Variants in REG4 observed in about 807,000 individuals in gnomAD.
REG4 encodes regenerating family member 4.
REG4 carries 16 observed loss-of-function variants against 22.3 expected under a neutral mutation model. The ratio of observed to expected loss-of-function variants is 0.72; its 90% CI spans 0.49 to 1.09. The LOEUF (loss-of-function observed/expected upper bound fraction) is 1.09. Among genes scored for constraint, REG4 ranks in the 50% least tolerant of loss-of-function variants. The pLI is 0.00. For missense variants in REG4, 214 were observed against 193.9 expected (o/e 1.10, Z -0.61); for synonymous variants, 71 against 69.2 (o/e 1.03, Z -0.13).
At chr1:119,797,147 C>T (rs757165678) in intron 5 of REG4, among the ~76,000 whole-genome samples, 12 of 151,936 alleles carry the variant, frequency 7.9e-5, no homozygotes, top group Non-Finnish European at 1.3e-4. Context: ...TATAAGGTTT[C>T]TCACTACTTC....
At chr1:119,802,755 C>G (rs756837806) in intron 3 of REG4, 11 of 1,447,530 alleles carry the variant, frequency 7.6e-6, no homozygotes, top group Non-Finnish European at 1.0e-5. Flanking sequence ...TCCTCATCTT[C>G]TCTTCCTCCT....
At chr1:119,795,139 A>G (rs1458622914) in intron 5 of REG4, among the ~76,000 whole-genome samples, 1 of 152,190 alleles carries the variant, frequency 6.6e-6, no homozygotes, top group Non-Finnish European at 1.5e-5. Flanking sequence ...CTCTATATAT[A>G]CATCCAACTA....
At chr1:119,811,050 T>TA (rs1342669642) in intron 1 of REG4, among the ~76,000 whole-genome samples, 2 of 151,838 alleles carry the variant, frequency 1.3e-5, no homozygotes, top group East Asian at 1.9e-4. Context: ...CAAGACTCCA[T>TA]AAAAAAACAA....
chr1:119,808,564 TC>T, intron 2 of REG4, 138 bp downstream of exon 2: 1 of 624,662 alleles, frequency 1.6e-6, no homozygotes, highest in Admixed American at 3.0e-5. Flanking sequence ...TTAGTACCTA[TC>T]TTTGTTTTTC....
chr1:119,802,350 G>T, intron 3 of REG4: 3 of 985,978 alleles, frequency 3.0e-6, no homozygotes, highest in Non-Finnish European at 3.6e-6. Context: ...CTGGCATGTG[G>T]TAGGTGCTTC....
rs947412626 is a variant in REG4 at position 119,798,549 on chromosome 1, A to G, written c.357T>C (p.Ser119=). ...DGAMYLYRSW[S]GKSMGGNKHC... ...GCTTGTTCCCACCCATGGACTTGCCAGACCAGGATCTGTACAGATACATGG... is the reference window on the plus strand; with the variant it reads ...GCTTGTTCCCACCCATGGACTTGCCGGACCAGGATCTGTACAGATACATGG... Residue 119 remains serine (S), a synonymous_variant, in exon 5 of 6, where the codon TCT becomes TCC. Coordinates refer to ENST00000256585, the MANE Select transcript of REG4 (RefSeq NM_032044.4). 6.2e-7 allele frequency: 1 copy of G among 1,614,126 alleles called. No individual in the cohort carries two copies. The highest frequency in any genetic ancestry group is 8.5e-7 in the Non-Finnish European group (1 of 1,180,034).
chr1:119,794,608 G>T lies in REG4; in HGVS notation c.*10C>A. On this transcript the variant is annotated 3_prime_UTR_variant, in exon 6 of 6. Coordinates refer to ENST00000256585, the MANE Select transcript of REG4 (RefSeq NM_032044.4). The stretch of plus-strand genomic sequence containing the variant: ...GCTGTGCAGGAGTTAGCAGAATCTT[G>T]ATTCTTGCTCTATGGTCGGTACTTG... 1 of 1,612,560 alleles carries T rather than the reference G, an allele frequency of 6.2e-7. No homozygotes were observed. Among genetic ancestry groups the T allele is most frequent in the Non-Finnish European group, 8.5e-7 (1 of 1,178,520 alleles).
intron 2 of REG4, among the ~76,000 whole-genome samples, chr1:119,808,207 G>T (rs1654383140): frequency 6.6e-6 from 1 of 152,132 alleles, no homozygotes; most frequent in Admixed American, 6.5e-5. Flanking sequence ...TCTATTGGTG[G>T]ATTCTACAAT....
rs1279241987 is a variant in REG4 at position 119,804,338 on chromosome 1, G to T, written c.68-1173C>A. ...CCCATTGCTTTCAGATGAGCTCTCT[G>T]CTCGTCTAGCATGTAAGAGATTTTA... On this transcript the variant is annotated intron_variant, in intron 2 of 5. Transcript: ENST00000256585. Among the ~76,000 whole-genome samples, 5 of 152,114 alleles carry T rather than the reference G, an allele frequency of 3.3e-5. No homozygotes were observed. In the East Asian group the frequency reaches 5.8e-4, roughly 18 times the overall value.
At chr1:119,799,469 G>A (rs1654033580) in intron 4 of REG4, among the ~76,000 whole-genome samples, 1 of 151,310 alleles carries the variant, frequency 6.6e-6, no homozygotes, top group South Asian at 2.1e-4. Flanking sequence ...CTAGAAAGCT[G>A]GTAATTTTGT....
intron 2 of REG4, among the ~76,000 whole-genome samples, chr1:119,805,640 T>C (rs1654284422): frequency 6.6e-6 from 1 of 152,146 alleles, no homozygotes; most frequent in South Asian, 2.1e-4. Context: ...CTCTGAGTGC[T>C]GCTCTCTGTC....
At chr1:119,806,511 G>A (rs961298891) in intron 2 of REG4, among the ~76,000 whole-genome samples, 4 of 152,222 alleles carry the variant, frequency 2.6e-5, no homozygotes, top group African/African-American at 9.7e-5. Flanking sequence ...CATGGGTCAA[G>A]CACATTCGTT....
chr1:119,799,409 TACACACACAC>T (rs58324924), intron 4 of REG4, among the ~76,000 whole-genome samples: 6,082 of 149,804 alleles, frequency 0.041, 238 homozygotes, highest in African/African-American at 0.096. Flanking sequence ...CCTGTGTGCG[TACACACACAC>T]ACACACACAC....
rs7540526 is a variant in REG4, at chr1:119,794,267, C to G, written c.*351G>C. 5,256 of 553,468 alleles carry G rather than the reference C, an allele frequency of 9.5e-3. 237 individuals carry two copies. Among genetic ancestry groups the G allele is most frequent in the African/African-American group, 0.089 (4,687 of 52,694 alleles). 34.3% of individuals were successfully genotyped at this position (553,468 alleles called of 1,614,324 possible). ...AGCTGAAGGGGTCTAGAAGCTTACT[C>G]CTGAGTTTCTTCCTTCTGTCTTCAA... is the stretch of plus-strand genomic sequence containing the variant. On this transcript the variant is annotated 3_prime_UTR_variant, in exon 6 of 6. Transcript: ENST00000256585.
chr1:119,800,352 C>G (rs1347381194), intron 3 of REG4, among the ~76,000 whole-genome samples: 1 of 152,230 alleles, frequency 6.6e-6, no homozygotes, highest in Non-Finnish European at 1.5e-5. Context: ...TACACAGTGA[C>G]ACAGTGTGTT....
rs181669412 is a variant in REG4, at chr1:119,799,550, A to C, written c.303+175T>G. Among the ~76,000 whole-genome samples the C allele has an allele frequency of 1.6e-3, 250 of 152,302 alleles. 5 individuals carry two copies. The highest frequency in any genetic ancestry group is 9.7e-4 in the East Asian group (5 of 5,174). On this transcript the variant is annotated intron_variant, in intron 4 of 5. Transcript: ENST00000256585. ...TGGAGTCATTTAAATCATATCCTCC[A>C]CCGAGGGCCAGAACTGGGCCCCTGA... is the stretch of plus-strand genomic sequence containing the variant.
Position 119,799,862 on chromosome 1 carries a change from G to A in REG4, c.166C>T (p.Leu56Phe), listed in dbSNP as rs1218231172. ...CCGTTTCCGTAAGACTGACACTCGA[G>A]CTATGTACAAGGAGAGGTCCTGTTA... is the stretch of plus-strand genomic sequence containing the variant. Reference protein sequence around the residue: ...RKLRNWSDAELECQSYGNGAH... With the variant: ...RKLRNWSDAEFECQSYGNGAH... The change falls in exon 4 of 6, where the codon CTC (leucine) becomes TTC (phenylalanine). Residue 56 changes from leucine (L) to phenylalanine (F), a missense_variant and splice_region_variant. By Grantham distance (22) the Leu-to-Phe change is conservative. Transcript: ENST00000256585. 1.9e-6 allele frequency: 3 copies of A among 1,613,856 alleles called. No homozygotes were observed. Among genetic ancestry groups the A allele is most frequent in the Non-Finnish European group, 2.5e-6 (3 of 1,180,034 alleles).
rs1444798281 is a variant in REG4, at chr1:119,799,809, T to C, written c.219A>G (p.Leu73=). 4 of 1,614,170 alleles carry C rather than the reference T, an allele frequency of 2.5e-6. No homozygotes were observed. The South Asian group carries it at 3.3e-5, about 13-fold the overall frequency. The change falls in exon 4 of 6, where the codon TTA becomes TTG. Residue 73 remains leucine (L), a synonymous_variant. Transcript: ENST00000256585. The part of the protein sequence containing the change: ...NGAHLASILS[L]KEASTIAEYI... ...ACTCTGCTATGGTGCTGGCTTCCTT[T>C]AAACTCAGGATAGATGCCAGGTGGG...
intron 2 of REG4, among the ~76,000 whole-genome samples, chr1:119,806,953 G>T (rs1317598676): frequency 6.6e-6 from 1 of 152,178 alleles, no homozygotes; most frequent in Non-Finnish European, 1.5e-5. Context: ...ACAGTGATTA[G>T]CACAGAGCCT....
Sources: allele counts gnomAD v4.1 joint callset (sites outside exome capture counted in the v4.1 genomes callset), GRCh38; gene constraint gnomAD v4.1.1; transcripts MANE v1.5; gene names NCBI Gene and HGNC (gene_info 2026-07-23, HGNC 2026-07-21).